Variants in L3MBTL4 observed in about 807,000 individuals in gnomAD.
L3MBTL4 encodes the protein L3MBTL histone methyl-lysine binding protein 4, also known as lethal(3)malignant brain tumor-like protein 4.
L3MBTL4 carries 70 observed loss-of-function variants against 84.5 expected under a neutral mutation model. The ratio of observed to expected loss-of-function variants is 0.83; its 90% CI spans 0.68 to 1.01. The LOEUF (loss-of-function observed/expected upper bound fraction) is 1.01. L3MBTL4 is among the 50% of genes least tolerant of loss of function. The pLI, the probability that L3MBTL4 is intolerant of heterozygous loss-of-function variation, is 0.00. For synonymous variants in L3MBTL4, 274 were observed against 259.8 expected (o/e 1.05, Z -0.52); for missense variants, 715 against 754.8 (o/e 0.95, Z 0.62).
At chr18:6,347,199 A>G (rs1438862978) in intron 1 of L3MBTL4, among the ~76,000 whole-genome samples, 1 of 151,984 alleles carries the variant, frequency 6.6e-6, no homozygotes, top group Non-Finnish European at 1.5e-5. Context: ...TGATGGATAA[A>G]GGGTACAAAG....
chr18:6,096,760 T>C (rs1416223838), intron 14 of L3MBTL4, among the ~76,000 whole-genome samples: 5 of 152,228 alleles, frequency 3.3e-5, no homozygotes, highest in Admixed American at 2.0e-4. Flanking sequence ...TGTTCTGACA[T>C]AGTCTCTTCA....
intron 4 of L3MBTL4, among the ~76,000 whole-genome samples, chr18:6,288,074 C>A (rs1388296676): frequency 6.6e-6 from 1 of 152,132 alleles, no homozygotes; most frequent in East Asian, 1.9e-4. Context: ...TAAAGTTTGA[C>A]CCTATCCCAT....
intron 16 of L3MBTL4, among the ~76,000 whole-genome samples, chr18:6,015,321 G>A (rs930119713): frequency 2.6e-5 from 4 of 152,040 alleles, no homozygotes; most frequent in African/African-American, 9.7e-5. Context: ...TTATGTGGGA[G>A]GGAAGCCAGA....
chr18:6,329,216 C>T (rs1011041326), intron 1 of L3MBTL4, among the ~76,000 whole-genome samples: 8 of 140,818 alleles, frequency 5.7e-5, no homozygotes, highest in East Asian at 2.1e-4. Context: ...TGCAGTGGTG[C>T]GATCTCGGCT....
chr18:6,009,079 G>T (rs781771235), intron 16 of L3MBTL4, among the ~76,000 whole-genome samples: 2 of 152,210 alleles, frequency 1.3e-5, no homozygotes, highest in Admixed American at 6.5e-5. Context: ...CTATAAGGCG[G>T]GTTCAGACCT....
At chr18:6,188,450 G>C (rs1366277568) in intron 12 of L3MBTL4, among the ~76,000 whole-genome samples, 1 of 151,636 alleles carries the variant, frequency 6.6e-6, no homozygotes, top group African/African-American at 2.4e-5. Context: ...AAAATGTCTA[G>C]AAACTAAAAA....
chr18:6,150,191 T>C (rs2042832007), intron 13 of L3MBTL4, among the ~76,000 whole-genome samples: 1 of 152,182 alleles, frequency 6.6e-6, no homozygotes, highest in Non-Finnish European at 1.5e-5. Context: ...GTCATATATG[T>C]TCTCATAACC....
chr18:6,134,185 TG>T (rs775904953), intron 14 of L3MBTL4, among the ~76,000 whole-genome samples: 2 of 152,122 alleles, frequency 1.3e-5, no homozygotes, highest in Non-Finnish European at 2.9e-5. Flanking sequence ...TCGTGAGACT[TG>T]TTCACTATCA....
chr18:6,391,908 T>C lies in L3MBTL4; in HGVS notation c.-91+22893A>G, dbSNP rs545449240. On this transcript the variant is annotated intron_variant, in intron 1 of 18. Transcript: ENST00000317931. ...GCTCATGGATGGGAAGAATCAATAT[T>C]GTGAAAATAACCATACTGCCCAAAG... Among the ~76,000 whole-genome samples, 42 of 152,258 alleles carry C rather than the reference T, an allele frequency of 2.8e-4. No individual in the cohort carries two copies. The South Asian group carries it at 5.0e-3, about 18-fold the overall frequency.
chr18:6,277,699 C>T (rs1297271788), intron 4 of L3MBTL4, among the ~76,000 whole-genome samples: 3 of 152,104 alleles, frequency 2.0e-5, no homozygotes, highest in Admixed American at 6.5e-5. Flanking sequence ...ATATAAGGCC[C>T]TTCCCATGTC....
chr18:6,388,810 G>A (rs775652970), intron 1 of L3MBTL4, among the ~76,000 whole-genome samples: 2 of 152,138 alleles, frequency 1.3e-5, no homozygotes, highest in Non-Finnish European at 2.9e-5. Context: ...AGACACCCTG[G>A]GTCCTTCCAA....
At chr18:6,105,218 T>G (rs1598760754) in intron 14 of L3MBTL4, among the ~76,000 whole-genome samples, 3 of 132,252 alleles carry the variant, frequency 2.3e-5, no homozygotes, top group African/African-American at 8.6e-5. Context: ...TGAGACAGAA[T>G]CTCGCTCTGT....
chr18:6,012,791 A>G (rs1467155733), intron 16 of L3MBTL4, among the ~76,000 whole-genome samples: 1 of 152,126 alleles, frequency 6.6e-6, no homozygotes, highest in Non-Finnish European at 1.5e-5. Context: ...AAACAAATAA[A>G]CGAACAAAAA....
At chr18:6,083,918 G>T (rs1210025035) in intron 15 of L3MBTL4, among the ~76,000 whole-genome samples, 1 of 152,134 alleles carries the variant, frequency 6.6e-6, no homozygotes, top group Non-Finnish European at 1.5e-5. Context: ...CCTACTTCCA[G>T]TTGGAAGAAA....
chr18:6,262,008 A>G (rs2048424884), intron 5 of L3MBTL4, among the ~76,000 whole-genome samples: 1 of 152,070 alleles, frequency 6.6e-6, no homozygotes, highest in African/African-American at 2.4e-5. Flanking sequence ...TTGCCCTGGG[A>G]CCCTGATCTG....
intron 17 of L3MBTL4, among the ~76,000 whole-genome samples, chr18:5,967,313 C>A (rs905550651): frequency 6.6e-6 from 1 of 152,232 alleles, no homozygotes; most frequent in African/African-American, 2.4e-5. Context: ...CTGGGTATCT[C>A]AACTTCCCCA....
At chr18:6,378,573 G>A (rs1235459476) in intron 1 of L3MBTL4, among the ~76,000 whole-genome samples, 1 of 152,150 alleles carries the variant, frequency 6.6e-6, no homozygotes, top group East Asian at 1.9e-4. Flanking sequence ...TATTAAATAG[G>A]GAATCCTTTC....
chr18:6,331,135 C>T (rs1017978063), intron 1 of L3MBTL4, among the ~76,000 whole-genome samples: 4 of 152,106 alleles, frequency 2.6e-5, no homozygotes, highest in Non-Finnish European at 4.4e-5. Context: ...ATATTAGGGG[C>T]TTTGCTTTTT....
At chr18:6,023,524 T>C (rs1287738319) in intron 16 of L3MBTL4, among the ~76,000 whole-genome samples, 2 of 152,160 alleles carry the variant, frequency 1.3e-5, no homozygotes, top group African/African-American at 2.4e-5. Flanking sequence ...AGTAAATAAA[T>C]CAGGATCAAA....
Sources: gnomAD v4.1 joint callset for allele counts (sites outside exome capture counted in the v4.1 genomes callset) on GRCh38, gnomAD v4.1.1 for gene constraint, MANE v1.5 for transcripts, NCBI Gene and HGNC (gene_info 2026-07-23, HGNC 2026-07-21) for gene names.